DUSP16: variants seen among roughly 807,000 people sequenced by gnomAD.
DUSP16 encodes the protein dual specificity protein phosphatase 16.
Under a neutral mutation model 58.3 loss-of-function variants are expected in DUSP16, and 21 were observed. The ratio of observed to expected loss-of-function variants is 0.36; its 90% CI spans 0.26 to 0.52. DUSP16 has a LOEUF of 0.52. DUSP16 is among the 20% of genes least tolerant of loss of function. The probability of loss-of-function intolerance (pLI) is 0.94; values close to 1 mark genes in which losing one functional copy is unlikely to be tolerated. For missense variants in DUSP16, 726 were observed against 819.0 expected (o/e 0.89, Z 1.39); for synonymous variants, 320 against 323.8 (o/e 0.99, Z 0.12).
At chr12:12,517,213 C>A (rs906211192) in intron 3 of DUSP16, among the ~76,000 whole-genome samples, 2 of 152,216 alleles carry the variant, frequency 1.3e-5, no homozygotes, top group African/African-American at 4.8e-5. Flanking sequence ...GCTTTCTTTT[C>A]TCAAGGTGGC....
At chr12:12,557,161 A>AT (rs1158840503) in intron 1 of DUSP16, among the ~76,000 whole-genome samples, 1 of 152,102 alleles carries the variant, frequency 6.6e-6, no homozygotes, top group African/African-American at 2.4e-5. Context: ...TAAAAAAAAA[A>AT]TTTAAAGTTT....
At chr12:12,489,135 C>T (rs73291610) in intron 4 of DUSP16, among the ~76,000 whole-genome samples, 68 of 152,134 alleles carry the variant, frequency 4.5e-4, no homozygotes, top group Non-Finnish European at 7.6e-4. Flanking sequence ...GTGTATGCAA[C>T]CATCTCTTAT....
chr12:12,555,353 C>T (rs1353799347), intron 1 of DUSP16, among the ~76,000 whole-genome samples: 1 of 152,130 alleles, frequency 6.6e-6, no homozygotes, highest in Non-Finnish European at 1.5e-5. Flanking sequence ...ACACAGTGCT[C>T]TAAGCTAGAG....
chr12:12,545,834 GC>G (rs1175703583), intron 1 of DUSP16, among the ~76,000 whole-genome samples: 1 of 152,074 alleles, frequency 6.6e-6, no homozygotes, highest in East Asian at 1.9e-4. Flanking sequence ...CTACAATCTA[GC>G]CAAAACTATA....
intron 4 of DUSP16, among the ~76,000 whole-genome samples, chr12:12,494,998 G>A (rs1943809176): frequency 6.6e-6 from 1 of 152,064 alleles, no homozygotes; most frequent in East Asian, 1.9e-4. Context: ...ACAGCCCAGC[G>A]CATTACCACT....
Position 12,475,918 on chromosome 12 carries a change from T to TAA in DUSP16, c.*913_*914dup, listed in dbSNP as rs1565962119. 1 of 152,212 alleles carries TAA rather than the reference T, an allele frequency of 6.6e-6. No individual in the cohort carries two copies. Among genetic ancestry groups the TAA allele is most frequent in the Admixed American group, 6.5e-5 (1 of 15,284 alleles). The allele number at this position is 152,212 out of a possible 1,614,324, so 9.4% of individuals were successfully genotyped here. A position where few individuals can be genotyped will look rare whatever the true frequency, so the allele number is the denominator to read the frequency against. The stretch of plus-strand genomic sequence containing the variant: ...GCTTGAAACCAAGTTCATCTTTATT[T>TAA]AAAGGATTGACAATCCCATTTTAAA... On this transcript the variant is annotated 3_prime_UTR_variant, in exon 7 of 7. Transcript: ENST00000298573.
chr12:12,561,726 A>T (rs1406841467), intron 1 of DUSP16, among the ~76,000 whole-genome samples: 1 of 152,058 alleles, frequency 6.6e-6, no homozygotes, highest in Non-Finnish European at 1.5e-5. Flanking sequence ...CGCGCCTGGA[A>T]GTGAGCAGCT....
At chr12:12,551,277 A>AG (rs1351784951) in intron 1 of DUSP16, among the ~76,000 whole-genome samples, 6 of 151,914 alleles carry the variant, frequency 3.9e-5, no homozygotes, top group Non-Finnish European at 7.4e-5. Context: ...CTAGGCAGGC[A>AG]GATCACTTGA....
chr12:12,546,254 C>G (rs752007949), intron 1 of DUSP16, among the ~76,000 whole-genome samples: 7 of 152,096 alleles, frequency 4.6e-5, no homozygotes, highest in African/African-American at 7.2e-5. Context: ...ATCTTTTTTA[C>G]TTTACCTGTG....
intron 1 of DUSP16, among the ~76,000 whole-genome samples, chr12:12,530,068 A>AT (rs373138096): frequency 4.0e-5 from 6 of 151,794 alleles, no homozygotes; most frequent in Admixed American, 6.6e-5. Flanking sequence ...TCTATTTTTA[A>AT]TTTTTTTTGA....
chr12:12,501,453 T>C (rs1478900017), intron 3 of DUSP16, among the ~76,000 whole-genome samples: 1 of 152,222 alleles, frequency 6.6e-6, no homozygotes, highest in Non-Finnish European at 1.5e-5. Context: ...GTCACAGTCT[T>C]GCCACCACTC....
At chr12:12,518,671 A>T (rs1246369721) in intron 3 of DUSP16, among the ~76,000 whole-genome samples, 4 of 152,172 alleles carry the variant, frequency 2.6e-5, no homozygotes, top group Non-Finnish European at 4.4e-5. Context: ...ACACACTCAT[A>T]CTCCCAGTAA....
intron 3 of DUSP16, among the ~76,000 whole-genome samples, chr12:12,513,281 C>G (rs1944103918): frequency 6.6e-6 from 1 of 152,164 alleles, no homozygotes; most frequent in Non-Finnish European, 1.5e-5. Flanking sequence ...TCTCTTCTGG[C>G]TAACATAGTT....
intron 1 of DUSP16, among the ~76,000 whole-genome samples, chr12:12,544,000 C>A (rs1450038862): frequency 1.3e-5 from 2 of 151,870 alleles, no homozygotes; most frequent in African/African-American, 4.8e-5. Flanking sequence ...CGTAAAAACT[C>A]AAGTATAACA....
At chr12:12,540,554 G>A (rs116882361) in intron 1 of DUSP16, among the ~76,000 whole-genome samples, 1 of 152,246 alleles carries the variant, frequency 6.6e-6, no homozygotes, top group Non-Finnish European at 1.5e-5. Context: ...AATCTTTGGA[G>A]GATACAATTT....
intron 3 of DUSP16, among the ~76,000 whole-genome samples, chr12:12,510,771 G>A (rs1944065997): frequency 6.6e-6 from 1 of 152,216 alleles, no homozygotes; most frequent in South Asian, 2.1e-4. Context: ...TTGCCTGGTA[G>A]CTAGGGAAGG....
In DUSP16 at chr12:12,476,889, TC is replaced by T. The variant is rs1565964680; in HGVS notation, c.1941del (p.Val649TrpfsTer72). 1 of 1,613,332 alleles carries T rather than the reference TC, an allele frequency of 6.2e-7. No individual in the cohort carries two copies. The highest frequency in any genetic ancestry group is 8.5e-7 in the Non-Finnish European group (1 of 1,180,012). On this transcript the variant is annotated frameshift_variant, in exon 7 of 7. Coordinates refer to ENST00000298573, the MANE Select transcript of DUSP16 (RefSeq NM_030640.3). LOFTEE classifies it high-confidence loss of function. Reference protein sequence around the residue: ...MSENRSREELGKVGSQSSFSG... With the variant: ...MSENRSREELXKVGSQSSFSG... ...GAAAAGCTAGACTGACTGCCCACTTTCCCCAGCTCTTCCCGTGACCTGTTCT... is the reference window on the plus strand; with the variant it reads ...GAAAAGCTAGACTGACTGCCCACTTTCCCAGCTCTTCCCGTGACCTGTTCT...
intron 3 of DUSP16, among the ~76,000 whole-genome samples, chr12:12,509,948 T>C (rs1290508163): frequency 3.3e-5 from 5 of 152,104 alleles, no homozygotes; most frequent in Admixed American, 6.5e-5. Context: ...GAAAAAAACA[T>C]TTTTTCTTCT....
chr12:12,536,684 G>A (rs764385534), intron 1 of DUSP16, among the ~76,000 whole-genome samples: 75 of 151,886 alleles, frequency 4.9e-4, no homozygotes, highest in Non-Finnish European at 8.7e-4. Context: ...GGCAGAGGTC[G>A]CAGTGAGCCA....
Sources: allele counts gnomAD v4.1 joint callset (sites outside exome capture counted in the v4.1 genomes callset), GRCh38; gene constraint gnomAD v4.1.1; transcripts MANE v1.5; gene names NCBI Gene and HGNC (gene_info 2026-07-23, HGNC 2026-07-21).